Variants in REEP1 observed in about 807,000 individuals in gnomAD.
The protein encoded by REEP1 is receptor expression-enhancing protein 1.
Under a neutral mutation model 40.3 loss-of-function variants are expected in REEP1, and 22 were observed. The observed-to-expected ratio is 0.55, with a 90% CI of 0.39 to 0.78. The LOEUF (loss-of-function observed/expected upper bound fraction) is 0.78. Among genes scored for constraint, REEP1 ranks in the 30% least tolerant of loss-of-function variants. REEP1 has a pLI of 0.00. For missense variants in REEP1, 280 were observed against 361.1 expected (o/e 0.78, Z 1.82); for synonymous variants, 116 against 139.2 (o/e 0.83, Z 1.17).
In REEP1 at chr2:86,216,949, C is replaced by T; in HGVS notation, c.*90G>A. ...GTGAGGCTGCACACTCAAAGCACAC[C>T]CAGCTTGCGGATTTCTATGTTATTA... On this transcript the variant is annotated 3_prime_UTR_variant, in exon 9 of 9. Transcript: ENST00000538924. 1 of 1,083,594 alleles carries T rather than the reference C, an allele frequency of 9.2e-7. No homozygotes were observed. The highest frequency in any genetic ancestry group is 1.4e-6 in the Non-Finnish European group (1 of 711,424). The allele number at this position is 1,083,594 out of a possible 1,614,324, so 67.1% of individuals were successfully genotyped here. A position where few individuals can be genotyped will look rare whatever the true frequency, so the allele number is the denominator to read the frequency against.
chr2:86,331,419 G>A (rs1180816636), intron 1 of REEP1, among the ~76,000 whole-genome samples: 1 of 151,836 alleles, frequency 6.6e-6, no homozygotes, highest in East Asian at 1.9e-4. Context: ...GCAGCCCAAA[G>A]TACTATCCAG....
chr2:86,232,701 C>G lies in REEP1; in HGVS notation c.519G>C (p.Pro173=). Residue 173 remains proline (P), a synonymous_variant, in exon 6 of 9, where the codon CCG becomes CCC. Transcript: ENST00000538924. ...GAPAPSGPPP[P]GSGRASGKHG... is the part of the protein sequence containing the mutation. ...GTTTGCCGCTGGCCCGCCCAGACCC[C>G]GGTGGTGGGGGGCCCGAGGGAGCAG... The G allele has an allele frequency of 6.2e-7, 1 of 1,611,522 alleles. No individual in the cohort carries two copies. Among genetic ancestry groups the G allele is most frequent in the South Asian group, 1.1e-5 (1 of 91,080 alleles).
chr2:86,310,707 TTC>T (rs144739472), intron 1 of REEP1, among the ~76,000 whole-genome samples: 78 of 149,298 alleles, frequency 5.2e-4, no homozygotes, highest in East Asian at 9.8e-4. Flanking sequence ...CTCCTCCCCT[TTC>T]TCTCTCTCTC....
At chr2:86,268,897 T>C (rs184129232) in intron 2 of REEP1, among the ~76,000 whole-genome samples, 2 of 152,284 alleles carry the variant, frequency 1.3e-5, no homozygotes, top group East Asian at 1.9e-4. Context: ...TTTTAACAAA[T>C]GATGCTGGGA....
chr2:86,296,986 C>T (rs10451666), intron 1 of REEP1, among the ~76,000 whole-genome samples: 16,098 of 152,254 alleles, frequency 0.11, 1,651 homozygotes, highest in African/African-American at 0.26. Flanking sequence ...CCCTCCATGT[C>T]GTGGATCTAC....
At chr2:86,275,629 G>GT (rs2104366888) in intron 2 of REEP1, among the ~76,000 whole-genome samples, 1 of 152,288 alleles carries the variant, frequency 6.6e-6, no homozygotes, top group South Asian at 2.1e-4. Flanking sequence ...TGTTTACCCT[G>GT]TCTTGCCTTA....
At chr2:86,271,816 A>G (rs1393857087) in intron 2 of REEP1, among the ~76,000 whole-genome samples, 1 of 152,242 alleles carries the variant, frequency 6.6e-6, no homozygotes, top group Non-Finnish European at 1.5e-5. Context: ...ATCAGTATCC[A>G]GACACATTGT....
At chr2:86,309,976 G>C (rs1484759057) in intron 1 of REEP1, among the ~76,000 whole-genome samples, 1 of 152,094 alleles carries the variant, frequency 6.6e-6, no homozygotes, top group African/African-American at 2.4e-5. Context: ...AAGTGGAGAG[G>C]GCAGGTCGTG....
At chr2:86,284,328 G>T (rs1433004195) in intron 1 of REEP1, among the ~76,000 whole-genome samples, 2 of 102,874 alleles carry the variant, frequency 1.9e-5, no homozygotes, top group South Asian at 8.0e-4. Context: ...GTCAGCTCAG[G>T]GTGCGTCTCT....
intron 1 of REEP1, among the ~76,000 whole-genome samples, chr2:86,291,400 T>C (rs1678685132): frequency 6.6e-6 from 1 of 152,222 alleles, no homozygotes; most frequent in South Asian, 2.1e-4. Flanking sequence ...GAGCTGATCT[T>C]GGGAAAACAG....
intron 1 of REEP1, among the ~76,000 whole-genome samples, chr2:86,331,187 A>G (rs554298162): frequency 6.6e-6 from 1 of 152,154 alleles, no homozygotes; most frequent in East Asian, 1.9e-4. Flanking sequence ...CTAACTTCAT[A>G]TCTTCCCAAC....
chr2:86,302,793 G>C (rs376486718), intron 1 of REEP1, among the ~76,000 whole-genome samples: 32 of 152,242 alleles, frequency 2.1e-4, no homozygotes, highest in East Asian at 1.4e-3. Flanking sequence ...CCTCCAAAAT[G>C]TATCTCCAGG....
At chr2:86,315,623 G>A (rs58210919) in intron 1 of REEP1, among the ~76,000 whole-genome samples, 4,587 of 152,260 alleles carry the variant, frequency 0.03, 119 homozygotes, top group East Asian at 0.07. Context: ...CTGCTGCACA[G>A]GGGGTACTCA....
intron 3 of REEP1, among the ~76,000 whole-genome samples, chr2:86,262,397 T>C (rs12476826): frequency 0.42 from 63,523 of 152,156 alleles, 14,734 homozygotes; most frequent in East Asian, 0.65. Flanking sequence ...CAGAGTCTGC[T>C]GCACTACCTG....
rs116203177 is a variant in REEP1, at chr2:86,238,385, A to G, written c.418-5583T>C. On this transcript the variant is annotated intron_variant, in intron 5 of 8. Transcript: ENST00000538924. Reference sequence around the variant, plus strand: ...ATCCCAGTTCCCTGTAAATGCTGTCACTACAGCCTTTGAGCTGTACTTCTC... The same window carrying G: ...ATCCCAGTTCCCTGTAAATGCTGTCGCTACAGCCTTTGAGCTGTACTTCTC... Among the ~76,000 whole-genome samples, 648 of 152,358 alleles carry G rather than the reference A, an allele frequency of 4.3e-3. 4 individuals are homozygous for G. Among genetic ancestry groups the G allele is most frequent in the African/African-American group, 0.014 (595 of 41,574 alleles).
At chr2:86,321,343 G>T (rs1248271428) in intron 1 of REEP1, among the ~76,000 whole-genome samples, 2 of 152,184 alleles carry the variant, frequency 1.3e-5, no homozygotes, top group African/African-American at 2.4e-5. Flanking sequence ...AAATCTTCCT[G>T]TTGAAAAAGC....
At chr2:86,232,571 C>G (rs1675081868) in intron 6 of REEP1, 54 bp downstream of exon 6, 1 of 1,587,790 alleles carries the variant, frequency 6.3e-7, no homozygotes, top group Non-Finnish European at 8.6e-7. Flanking sequence ...GGGCCTCTCT[C>G]AATGAAAGCG....
intron 1 of REEP1, among the ~76,000 whole-genome samples, chr2:86,314,055 C>T (rs1486895783): frequency 3.3e-5 from 5 of 152,196 alleles, no homozygotes; most frequent in Non-Finnish European, 7.3e-5. Flanking sequence ...TTGCAAACTG[C>T]CAAGTAGCAG....
intron 1 of REEP1, among the ~76,000 whole-genome samples, chr2:86,316,021 C>T (rs1344608943): frequency 2.0e-5 from 3 of 152,146 alleles, no homozygotes; most frequent in Non-Finnish European, 4.4e-5. Flanking sequence ...TAGAAGCCGC[C>T]AGCAGCCAGG....
Sources: allele counts gnomAD v4.1 joint callset (sites outside exome capture counted in the v4.1 genomes callset), GRCh38; gene constraint gnomAD v4.1.1; transcripts MANE v1.5; gene names NCBI Gene and HGNC (gene_info 2026-07-23, HGNC 2026-07-21).